ZNF215: variants seen among roughly 807,000 people sequenced by gnomAD.
ZNF215 encodes BWSCR2-associated zinc finger protein 2.
ZNF215 carries 24 observed loss-of-function variants against 27.2 expected under a neutral mutation model. That is an observed-to-expected ratio of 0.88 (90% confidence interval 0.64 to 1.24). ZNF215 has a LOEUF of 1.24. Among genes scored for constraint, ZNF215 ranks in the 50% most tolerant of loss-of-function variants. The pLI, the probability that ZNF215 is intolerant of heterozygous loss-of-function variation, is 0.00. For synonymous variants in ZNF215, 210 were observed against 204.0 expected, an observed-to-expected ratio of 1.03 and a Z score of -0.25; for missense variants, 675 against 605.7, an observed-to-expected ratio of 1.11 and a Z score of -1.20.
chr11:6,934,266 G>T (rs11041109), intron 3 of ZNF215, among the ~76,000 whole-genome samples: 17,778 of 152,146 alleles, frequency 0.12, 1,497 homozygotes, highest in East Asian at 0.38. Flanking sequence ...TAACAAAAAG[G>T]TCACATTAAG....
rs1158190788 is a variant in ZNF215 at position 6,932,479 on chromosome 11, C to G, written c.207C>G (p.Leu69=). Residue 69 remains leucine (L), a synonymous_variant, in exon 3 of 7, where the codon CTC becomes CTG. Coordinates refer to ENST00000278319, the MANE Select transcript of ZNF215 (RefSeq NM_013250.4). ...VSGPHEALSQ[L]WELCLQWLRP... ...GGCCCCATGAAGCCCTGAGCCAACT[C>G]TGGGAGCTCTGTCTTCAATGGCTGA... 4 of 1,614,066 alleles carry G rather than the reference C, an allele frequency of 2.5e-6. No individual in the cohort carries two copies. Among genetic ancestry groups the G allele is most frequent in the Non-Finnish European group, 3.4e-6 (4 of 1,180,036 alleles).
chr11:6,972,040 G>T (rs2133336454), intron 5 of ZNF215, among the ~76,000 whole-genome samples: 1 of 152,210 alleles, frequency 6.6e-6, no homozygotes, highest in South Asian at 2.1e-4. Flanking sequence ...ACTACTCAGA[G>T]ATGTGTTTTA....
chr11:6,979,168 C>T (rs1850894778), intron 5 of ZNF215, among the ~76,000 whole-genome samples: 1 of 152,018 alleles, frequency 6.6e-6, no homozygotes, highest in African/African-American at 2.4e-5. Flanking sequence ...TCTCTCACCC[C>T]CAGTCCACCT....
chr11:6,968,026 A>G (rs1302641045), intron 5 of ZNF215, among the ~76,000 whole-genome samples: 2 of 152,204 alleles, frequency 1.3e-5, no homozygotes, highest in Non-Finnish European at 2.9e-5. Flanking sequence ...TCCCAACACC[A>G]TTTATTAAAT....
chr11:6,929,210 G>C, intron 2 of ZNF215, among the ~76,000 whole-genome samples: 1 of 152,180 alleles, frequency 6.6e-6, no homozygotes, highest in Non-Finnish European at 1.5e-5. Context: ...ATCCTCTGGG[G>C]AGCTTGCATT....
rs576573612 is a variant in ZNF215, at chr11:6,969,804, G to A, written c.805+14022G>A. Among the ~76,000 whole-genome samples, 13 of 151,864 alleles carry A rather than the reference G, an allele frequency of 8.6e-5. 1 individual carries two copies. The highest frequency in any genetic ancestry group is 6.8e-3 in the Middle Eastern group (2 of 294). ...TCTGTTATTTTTTATTTTTTGAGAC[G>A]GATTCTCGCTTTGTTGCCCAGGCTG... On this transcript the variant is annotated intron_variant, in intron 5 of 5. Coordinates refer to the ZNF215 transcript ENST00000529903.
chr11:6,989,150 CAAAA>C (rs71056776), downstream of ZNF215, among the ~76,000 whole-genome samples: 1,856 of 76,808 alleles, frequency 0.024, 28 homozygotes, highest in African/African-American at 0.085. Flanking sequence ...AGATCCGTCT[CAAAA>C]AAAAAAAAAA....
chr11:6,953,048 T>C (rs1005102335), intron 6 of ZNF215, among the ~76,000 whole-genome samples: 2 of 152,130 alleles, frequency 1.3e-5, no homozygotes, highest in African/African-American at 4.8e-5. Flanking sequence ...TGTTTAAGAA[T>C]GTTGAATATT....
At chr11:6,959,505 G>A (rs1288744071), downstream of ZNF215, among the ~76,000 whole-genome samples, 2 of 152,176 alleles carry the variant, frequency 1.3e-5, no homozygotes, top group East Asian at 3.8e-4. Context: ...AAAATCATTT[G>A]CTGCTGATAT....
chr11:6,939,993 C>T (rs1156926051), intron 3 of ZNF215, among the ~76,000 whole-genome samples: 2 of 151,360 alleles, frequency 1.3e-5, no homozygotes. Flanking sequence ...GAGGCTGAGG[C>T]AGGAGGATCA....
intron 3 of ZNF215, among the ~76,000 whole-genome samples, chr11:6,933,161 C>T (rs1020218574): frequency 6.6e-6 from 1 of 152,162 alleles, no homozygotes; most frequent in African/African-American, 2.4e-5. Context: ...ATAGGAAAAC[C>T]AGTTAGACTA....
At chr11:6,931,908 T>C (rs974260957) in intron 2 of ZNF215, among the ~76,000 whole-genome samples, 186 bp from the exon 3 acceptor site, 5 of 152,236 alleles carry the variant, frequency 3.3e-5, no homozygotes, top group African/African-American at 1.2e-4. Flanking sequence ...TTCGTGTGTG[T>C]TTCTTTGTCC....
Position 6,932,327 on chromosome 11 carries a change from C to T in ZNF215, c.55C>T (p.Arg19Cys), listed in dbSNP as rs750430743. ...CTCAAAACCTCGAAACCTGTCTCTA[C>T]GTGAACAAAGAGAGGTTCTGAGAGC... Reference protein sequence around the residue: ...AISKPRNLSLREQREVLRADM... With the variant: ...AISKPRNLSLCEQREVLRADM... The change falls in exon 3 of 7, where the codon CGT becomes TGT. Residue 19 changes from arginine to cysteine, a missense_variant. Coordinates refer to ENST00000278319, the MANE Select transcript of ZNF215 (RefSeq NM_013250.4). 1.7e-5 allele frequency: 28 copies of T among 1,613,982 alleles called. No individual in the cohort carries two copies. In the East Asian group the frequency reaches 2.9e-4, roughly 17 times the overall value.
chr11:6,932,178 A>G lies in ZNF215; in HGVS notation c.-95A>G. On this transcript the variant is annotated 5_prime_UTR_variant, in exon 3 of 7. Coordinates refer to ENST00000278319, the MANE Select transcript of ZNF215 (RefSeq NM_013250.4). ...CGTGAAATAACTTGGCTTAAATCAC[A>G]CTGCATATAGTACACAGGTGCTTAG... The G allele has an allele frequency of 1.4e-6, 2 of 1,450,150 alleles. No individual in the cohort carries two copies. Among genetic ancestry groups the G allele is most frequent in the Non-Finnish European group, 9.2e-7 (1 of 1,081,718 alleles). 89.8% of individuals were successfully genotyped at this position (1,450,150 alleles called of 1,614,324 possible).
chr11:6,940,113 G>C (rs1243200913), intron 3 of ZNF215, among the ~76,000 whole-genome samples: 1 of 151,210 alleles, frequency 6.6e-6, no homozygotes, highest in Non-Finnish European at 1.5e-5. Flanking sequence ...CATGCCTGTA[G>C]TCCTTGCTAT....
At chr11:6,968,562 C>G (rs1051675410) in intron 5 of ZNF215, among the ~76,000 whole-genome samples, 2 of 143,468 alleles carry the variant, frequency 1.4e-5, no homozygotes, top group Non-Finnish European at 3.0e-5. Flanking sequence ...TGGTATGTAA[C>G]AAGGTTTGAA....
chr11:6,991,606 A>G (rs1041275222), downstream of ZNF215, among the ~76,000 whole-genome samples: 1 of 152,228 alleles, frequency 6.6e-6, no homozygotes, highest in Non-Finnish European at 1.5e-5. Context: ...TTGTGCTGTC[A>G]GTATCTCATC....
chr11:6,970,315 T>G lies in ZNF215; in HGVS notation c.806-13814T>G, dbSNP rs149484097. On this transcript the variant is annotated intron_variant, in intron 5 of 5. Coordinates refer to the ZNF215 transcript ENST00000529903. ...AAAATGCATGAGAACAAGTTATAGATGACAAGCAACTTAAGAGGCATATTA... is the reference window on the plus strand; with the variant it reads ...AAAATGCATGAGAACAAGTTATAGAGGACAAGCAACTTAAGAGGCATATTA... 4.2e-3 allele frequency among the ~76,000 whole-genome samples: 646 copies of G among 152,320 alleles called. 4 individuals carry two copies. Among genetic ancestry groups the G allele is most frequent in the African/African-American group, 0.015 (611 of 41,566 alleles).
chr11:6,955,756 G>T lies in ZNF215; in HGVS notation c.779G>T (p.Gly260Val). 25 of 1,608,664 alleles carry T rather than the reference G, an allele frequency of 1.6e-5. No homozygotes were observed. Among genetic ancestry groups the T allele is most frequent in the Non-Finnish European group, 2.0e-5 (24 of 1,178,602 alleles). ...GVIMTRLTES[G>V]HPSSDAWKGE... is the part of the protein sequence containing the mutation. ...ATTATGACAAGGCTTACCGAAAGTG[G>T]ACACCCTTCTTCAGATGCCTGGAAA... Residue 260 changes from glycine to valine, a missense_variant, in exon 7 of 7, where the codon GGA becomes GTA. Transcript: ENST00000278319.
Sources: gnomAD v4.1 joint callset for allele counts (sites outside exome capture counted in the v4.1 genomes callset) on GRCh38, gnomAD v4.1.1 for gene constraint, MANE v1.5 for transcripts, NCBI Gene and HGNC (gene_info 2026-07-23, HGNC 2026-07-21) for gene names.